Variants in ACAD11 observed in about 807,000 individuals in gnomAD.
ACAD11 encodes the protein acyl-CoA dehydrogenase family member 11.
In ACAD11, 83 loss-of-function variants were observed where a neutral mutation model predicts 102.2. The observed-to-expected ratio is 0.81, with a 90% CI of 0.68 to 0.97. ACAD11 has a LOEUF of 0.97. Ranked by LOEUF, ACAD11 falls within the 50% of genes least tolerant of loss-of-function variation. The probability of loss-of-function intolerance (pLI) is 0.00; values close to 1 mark genes in which losing one functional copy is unlikely to be tolerated. For missense variants in ACAD11, 901 were observed against 951.7 expected, an observed-to-expected ratio of 0.95 and a Z score of 0.70; for synonymous variants, 324 against 319.8, an observed-to-expected ratio of 1.01 and a Z score of -0.14.
At chr3:132,636,223 A>G (rs1940271089) in intron 5 of ACAD11, among the ~76,000 whole-genome samples, 2 of 152,166 alleles carry the variant, frequency 1.3e-5, no homozygotes, top group African/African-American at 4.8e-5. Context: ...GAGAGTTATT[A>G]AAAGCTCAAC....
At chr3:132,606,700 C>T (rs1000561057) in intron 11 of ACAD11, among the ~76,000 whole-genome samples, 4 of 152,202 alleles carry the variant, frequency 2.6e-5, no homozygotes, top group East Asian at 1.9e-4. Flanking sequence ...GCTGTGGGCG[C>T]GGCTTCAGCA....
intron 17 of ACAD11, among the ~76,000 whole-genome samples, chr3:132,565,087 G>A (rs1937171332): frequency 6.6e-6 from 1 of 152,160 alleles, no homozygotes; most frequent in Non-Finnish European, 1.5e-5. Context: ...AAATCTTTTA[G>A]AGAATAACCA....
At chr3:132,567,685 T>A (rs1005694788) in intron 17 of ACAD11, among the ~76,000 whole-genome samples, 2 of 152,186 alleles carry the variant, frequency 1.3e-5, no homozygotes, top group African/African-American at 4.8e-5. Flanking sequence ...TATATGTTAT[T>A]TAGAAGAAAT....
At chr3:132,613,615 T>C (rs1413402561) in intron 11 of ACAD11, among the ~76,000 whole-genome samples, 1 of 152,036 alleles carries the variant, frequency 6.6e-6, no homozygotes, top group Admixed American at 6.6e-5. Context: ...AACCCCATCA[T>C]TGGCCGGGTG....
At chr3:132,607,387 G>A (rs1938894276) in intron 11 of ACAD11, among the ~76,000 whole-genome samples, 1 of 152,176 alleles carries the variant, frequency 6.6e-6, no homozygotes, top group Non-Finnish European at 1.5e-5. Context: ...CAAAAGGTTA[G>A]AGGAATTGCT....
chr3:132,618,331 A>G (rs1939488921), intron 11 of ACAD11: 1 of 317,152 alleles, frequency 3.2e-6, no homozygotes, highest in South Asian at 1.3e-4. Context: ...TATCCATTCC[A>G]ACTAGTAATA....
chr3:132,603,953 T>C (rs1187350510), intron 12 of ACAD11, among the ~76,000 whole-genome samples: 1 of 152,234 alleles, frequency 6.6e-6, no homozygotes, highest in Non-Finnish European at 1.5e-5. Context: ...ATCCCATGTG[T>C]TCTGTTTCTA....
intron 15 of ACAD11, 159 bp downstream of exon 15, chr3:132,578,637 T>C: frequency 1.9e-6 from 1 of 522,502 alleles, no homozygotes; most frequent in Non-Finnish European, 3.2e-6. Flanking sequence ...TTATTGGCTC[T>C]ACTCTGAACT....
intron 1 of ACAD11, among the ~76,000 whole-genome samples, chr3:132,652,033 T>C (rs529812051): frequency 6.6e-6 from 1 of 152,232 alleles, no homozygotes; most frequent in East Asian, 1.9e-4. Context: ...GGACATGACG[T>C]TTGGGAAGGG....
At chr3:132,587,381 T>A (rs1937887219) in intron 13 of ACAD11, among the ~76,000 whole-genome samples, 1 of 152,212 alleles carries the variant, frequency 6.6e-6, no homozygotes, top group South Asian at 2.1e-4. Context: ...TTCTTTCCTC[T>A]GTTATCTCCA....
chr3:132,633,332 C>A (rs1245186196), intron 5 of ACAD11, among the ~76,000 whole-genome samples: 7 of 152,118 alleles, frequency 4.6e-5, no homozygotes, highest in East Asian at 1.9e-4. Flanking sequence ...TTGAGATAAT[C>A]ATGTGGTTTT....
At position 132,561,308 on chromosome 3, in the gene ACAD11, ACT is replaced by A. The variant is rs535288513; in HGVS notation, c.2002-93_2002-92del. On this transcript the variant is annotated intron_variant, in intron 17 of 19. Coordinates refer to ENST00000264990, the MANE Select transcript of ACAD11 (RefSeq NM_032169.5). ...CACAGTCTTATAGTTTGGTGAAAAC[ACT>A]CTCTAAGCCAGAGATTGTTCACAAG... 1.2e-3 allele frequency: 1,082 copies of A among 924,918 alleles called. 13 individuals carry two copies. Among genetic ancestry groups the A allele is most frequent in the South Asian group, 5.5e-3 (412 of 75,450 alleles). 57.3% of individuals were successfully genotyped at this position (924,918 alleles called of 1,614,324 possible).
At chr3:132,611,184 T>C (rs1939120775) in intron 11 of ACAD11, among the ~76,000 whole-genome samples, 1 of 152,126 alleles carries the variant, frequency 6.6e-6, no homozygotes, top group Non-Finnish European at 1.5e-5. Flanking sequence ...CGCTTCATGC[T>C]AAAAACTCTC....
At chr3:132,635,318 G>T (rs890491770) in intron 5 of ACAD11, among the ~76,000 whole-genome samples, 1 of 151,996 alleles carries the variant, frequency 6.6e-6, no homozygotes, top group African/African-American at 2.4e-5. Flanking sequence ...TATGGGGGGT[G>T]GGCAGTGAGG....
intron 11 of ACAD11, among the ~76,000 whole-genome samples, chr3:132,615,753 T>C (rs1238455657): frequency 6.6e-6 from 1 of 152,136 alleles, no homozygotes; most frequent in African/African-American, 2.4e-5. Context: ...ATGGCATGTG[T>C]ATACCTACGT....
At chr3:132,614,664 A>G (rs1939326456) in intron 11 of ACAD11, among the ~76,000 whole-genome samples, 1 of 152,236 alleles carries the variant, frequency 6.6e-6, no homozygotes, top group African/African-American at 2.4e-5. Flanking sequence ...CACCTTATGC[A>G]AAAATTAACT....
intron 13 of ACAD11, among the ~76,000 whole-genome samples, chr3:132,588,486 A>G (rs924215047): frequency 2.0e-5 from 3 of 152,222 alleles, no homozygotes; most frequent in Non-Finnish European, 4.4e-5. Context: ...CTTCAAAATG[A>G]TCACATAAGC....
At chr3:132,567,453 A>C (rs1937247287) in intron 17 of ACAD11, among the ~76,000 whole-genome samples, 1 of 152,202 alleles carries the variant, frequency 6.6e-6, no homozygotes, top group Non-Finnish European at 1.5e-5. Context: ...ACAACCACCA[A>C]AACAGCTATA....
At chr3:132,585,804 C>A (rs1444245657) in intron 13 of ACAD11, among the ~76,000 whole-genome samples, 2 of 152,174 alleles carry the variant, frequency 1.3e-5, no homozygotes, top group Non-Finnish European at 2.9e-5. Context: ...CCATCTCACA[C>A]CAGTTAGAAT....
Sources: gnomAD v4.1 joint callset for allele counts (sites outside exome capture counted in the v4.1 genomes callset) on GRCh38, gnomAD v4.1.1 for gene constraint, MANE v1.5 for transcripts, NCBI Gene and HGNC (gene_info 2026-07-23, HGNC 2026-07-21) for gene names.